LRBA: variants seen among roughly 807,000 people sequenced by gnomAD.
The protein encoded by LRBA is lipopolysaccharide-responsive and beige-like anchor protein.
A neutral mutation model predicts 330.0 loss-of-function variants in LRBA; 176 were observed. That is an observed-to-expected ratio of 0.53 (90% CI 0.47 to 0.60). The LOEUF (loss-of-function observed/expected upper bound fraction) is 0.60. Among genes scored for constraint, LRBA ranks in the 20% least tolerant of loss-of-function variants. LRBA has a pLI of 0.00. For missense variants in LRBA, 3,259 were observed against 3,444.8 expected, an observed-to-expected ratio of 0.95 and a Z score of 1.35; for synonymous variants, 1,230 against 1,193.0, an observed-to-expected ratio of 1.03 and a Z score of -0.64.
At chr4:150,343,380 T>A (rs1359250051) in intron 48 of LRBA, among the ~76,000 whole-genome samples, 1 of 152,224 alleles carries the variant, frequency 6.6e-6, no homozygotes, top group Non-Finnish European at 1.5e-5. Context: ...TTACAGTCTT[T>A]AAATTTTATT....
chr4:150,290,266 A>AT (rs1728087133), intron 53 of LRBA, among the ~76,000 whole-genome samples: 1 of 152,234 alleles, frequency 6.6e-6, no homozygotes, highest in Non-Finnish European at 1.5e-5. Flanking sequence ...AAAGATGCCA[A>AT]AACTATCAAT....
rs535306531 is a variant in LRBA, at chr4:150,385,215, AC to A, written c.7194+30222del. Reference sequence around the variant, plus strand: ...TAGAAAAAGATTTTACTTTTTTCCCACATCACAGATCATCTTGAATGAGCAG... The same window carrying A: ...TAGAAAAAGATTTTACTTTTTTCCCAATCACAGATCATCTTGAATGAGCAG... On this transcript the variant is annotated intron_variant, in intron 47 of 56. Transcript: ENST00000651943. Among the ~76,000 whole-genome samples the A allele has an allele frequency of 2.0e-3, 299 of 152,254 alleles. 1 individual carries two copies. Among genetic ancestry groups the A allele is most frequent in the Admixed American group, 5.3e-3 (81 of 15,304 alleles).
At chr4:150,390,736 T>C (rs1424692036) in intron 47 of LRBA, among the ~76,000 whole-genome samples, 1 of 152,108 alleles carries the variant, frequency 6.6e-6, no homozygotes, top group Non-Finnish European at 1.5e-5. Flanking sequence ...TACCCCCTAA[T>C]ACCTTTATTC....
intron 37 of LRBA, among the ~76,000 whole-genome samples, chr4:150,647,352 C>CTTTTTTTTTTTTTTTTTTTTTTTTTTTTT (rs769403201): frequency 1.3e-5 from 1 of 79,796 alleles, no homozygotes; most frequent in Non-Finnish European, 2.2e-5. Context: ...ATTACTTTTT[C>CTTTTTTTTTTTTTTTTTTTTTTTTTTTTT]TTTTTTTTTT....
At chr4:150,929,240 A>G (rs759712743) in intron 2 of LRBA, among the ~76,000 whole-genome samples, 175 bp from the exon 3 acceptor site, 8 of 152,246 alleles carry the variant, frequency 5.3e-5, no homozygotes, top group Non-Finnish European at 1.0e-4. Flanking sequence ...CTCCAAATTT[A>G]GACAGCAAAG....
chr4:150,769,610 T>C (rs1344696864), intron 34 of LRBA, among the ~76,000 whole-genome samples: 3 of 152,234 alleles, frequency 2.0e-5, no homozygotes, highest in Admixed American at 2.0e-4. Flanking sequence ...GGCATTCAGC[T>C]GATTGGATAA....
chr4:150,469,965 C>T lies in LRBA; in HGVS notation c.6667+1659G>A, dbSNP rs571806341. On this transcript the variant is annotated intron_variant, in intron 43 of 56. Transcript: ENST00000651943. The stretch of plus-strand genomic sequence containing the variant: ...TGGGAGGTAGAGGCGGGCAGATAAC[C>T]TGAGGTCAGGAGTTCAAGACCAGCC... Among the ~76,000 whole-genome samples, 70 of 152,156 alleles carry T rather than the reference C, an allele frequency of 4.6e-4. No homozygotes were observed. In the Middle Eastern group the frequency reaches 0.027, roughly 59 times the overall value.
chr4:150,557,208 T>C (rs1049015453), intron 40 of LRBA, among the ~76,000 whole-genome samples: 5 of 152,110 alleles, frequency 3.3e-5, no homozygotes, highest in Non-Finnish European at 7.4e-5. Context: ...ACTGGCCCAA[T>C]CTGGAAGAAT....
At chr4:150,917,069 C>T (rs1453257044) in intron 5 of LRBA, among the ~76,000 whole-genome samples, 3 of 151,958 alleles carry the variant, frequency 2.0e-5, no homozygotes, top group African/African-American at 2.4e-5. Context: ...AGGAGAACGG[C>T]GTGAACCCAG....
At chr4:150,996,605 T>C (rs1232228755) in intron 2 of LRBA, among the ~76,000 whole-genome samples, 1 of 152,224 alleles carries the variant, frequency 6.6e-6, no homozygotes, top group East Asian at 1.9e-4. Flanking sequence ...AAAGTATGCA[T>C]TGTTAAATCA....
chr4:150,748,670 G>GAA (rs554679047), intron 35 of LRBA, among the ~76,000 whole-genome samples: 29 of 116,164 alleles, frequency 2.5e-4, no homozygotes, highest in African/African-American at 6.1e-4. Flanking sequence ...CCATCTCACA[G>GAA]AAAAAAAAAA....
At chr4:150,946,376 C>T (rs1023163042) in intron 2 of LRBA, among the ~76,000 whole-genome samples, 5 of 152,134 alleles carry the variant, frequency 3.3e-5, no homozygotes, top group South Asian at 2.1e-4. Flanking sequence ...GGACATAATA[C>T]AAACTCAACA....
At position 150,908,733 on chromosome 4, in the gene LRBA, T is replaced by C; in HGVS notation, c.1286A>G (p.Gln429Arg). The change falls in exon 10 of 57, where the codon CAG becomes CGG. Residue 429 changes from glutamine to arginine, a missense_variant. Gln to Arg is a conservative substitution (Grantham distance 43). Coordinates refer to ENST00000651943, the MANE Select transcript of LRBA (RefSeq NM_001364905.1). Reference sequence around the variant, plus strand: ...CTTAGGAGATGATTCAAGACAAAGCTGGGCATCTGTAGCCCGTGGATTGTA... The same window carrying C: ...CTTAGGAGATGATTCAAGACAAAGCCGGGCATCTGTAGCCCGTGGATTGTA... ...FTYNPRATDA[Q>R]LCLESSPKDN... 1 of 1,614,006 alleles carries C rather than the reference T, an allele frequency of 6.2e-7. No individual in the cohort carries two copies. Among genetic ancestry groups the C allele is most frequent in the Non-Finnish European group, 8.5e-7 (1 of 1,179,888 alleles).
chr4:150,905,711 A>C, intron 13 of LRBA, 127 bp downstream of exon 13: 1 of 784,348 alleles, frequency 1.3e-6, no homozygotes, highest in East Asian at 2.6e-5. Flanking sequence ...CTTAGTCAAA[A>C]AAAGCAATCC....
intron 2 of LRBA, among the ~76,000 whole-genome samples, chr4:150,986,625 A>G (rs1209863583): frequency 6.6e-6 from 1 of 152,222 alleles, no homozygotes; most frequent in Non-Finnish European, 1.5e-5. Context: ...AATCTCCAAT[A>G]CACAAATCAA....
intron 40 of LRBA, among the ~76,000 whole-genome samples, chr4:150,526,733 G>T (rs905460950): frequency 2.0e-5 from 3 of 151,986 alleles, no homozygotes; most frequent in Non-Finnish European, 4.4e-5. Context: ...TAAATCACAG[G>T]CATCATAACA....
intron 47 of LRBA, among the ~76,000 whole-genome samples, chr4:150,375,604 G>A (rs28416574): frequency 0.06 from 8,937 of 148,500 alleles, 420 homozygotes; most frequent in East Asian, 0.18. Flanking sequence ...GATTACAGGT[G>A]CGCACCACCA....
At chr4:150,683,081 G>GA (rs1173794614) in intron 37 of LRBA, among the ~76,000 whole-genome samples, 1 of 151,132 alleles carries the variant, frequency 6.6e-6, no homozygotes, top group East Asian at 1.9e-4. Context: ...TGCAACATAA[G>GA]AAAAAAAATC....
intron 42 of LRBA, among the ~76,000 whole-genome samples, chr4:150,476,855 A>C (rs1311113608): frequency 6.6e-6 from 1 of 152,142 alleles, no homozygotes; most frequent in African/African-American, 2.4e-5. Context: ...GGGTGTCAGA[A>C]AGAATATTCC....
Sources: allele counts gnomAD v4.1 joint callset (sites outside exome capture counted in the v4.1 genomes callset), GRCh38; gene constraint gnomAD v4.1.1; transcripts MANE v1.5; gene names NCBI Gene and HGNC (gene_info 2026-07-23, HGNC 2026-07-21).